Variants in NCS1 observed in about 807,000 individuals in gnomAD.
NCS1 encodes frequenin homolog.
A neutral mutation model predicts 28.4 loss-of-function variants in NCS1; 6 were observed. That is an observed-to-expected ratio of 0.21 (90% CI 0.12 to 0.42). The LOEUF is 0.42. NCS1 is among the 10% of genes least tolerant of loss of function. NCS1 has a pLI of 1.00. For synonymous variants in NCS1, 86 were observed against 99.3 expected, an observed-to-expected ratio of 0.87 and a Z score of 0.79; for missense variants, 131 against 241.4, an observed-to-expected ratio of 0.54 and a Z score of 3.03.
intron 1 of NCS1, among the ~76,000 whole-genome samples, chr9:130,179,371 T>C (rs190434407): frequency 2.2e-4 from 34 of 152,368 alleles, no homozygotes; most frequent in Admixed American, 2.0e-3. Context: ...GTGCATCATA[T>C]GGACAGAACA....
chr9:130,225,259 G>A (rs1233527808), intron 6 of NCS1, among the ~76,000 whole-genome samples: 1 of 152,252 alleles, frequency 6.6e-6, no homozygotes, highest in Non-Finnish European at 1.5e-5. Flanking sequence ...GATTCTGGCT[G>A]GAGACAGCTG....
At chr9:130,183,451 A>G (rs1554905336) in intron 1 of NCS1, among the ~76,000 whole-genome samples, 4 of 152,192 alleles carry the variant, frequency 2.6e-5, no homozygotes, top group Non-Finnish European at 1.5e-5. Flanking sequence ...GGGGGAGGGC[A>G]GGAGGAATGT....
intron 7 of NCS1, among the ~76,000 whole-genome samples, chr9:130,228,058 C>T (rs1833442444): frequency 6.6e-6 from 1 of 152,208 alleles, no homozygotes; most frequent in Admixed American, 6.5e-5. Context: ...CACAGGGCTG[C>T]CTCACAATAT....
intron 1 of NCS1, among the ~76,000 whole-genome samples, chr9:130,178,769 G>A (rs1189086787): frequency 2.0e-5 from 3 of 146,736 alleles, no homozygotes; most frequent in Non-Finnish European, 3.0e-5. Context: ...CTGGAGTATC[G>A]GTGGGGATGA....
At chr9:130,224,199 A>C (rs1833377407) in intron 6 of NCS1, among the ~76,000 whole-genome samples, 1 of 149,058 alleles carries the variant, frequency 6.7e-6, no homozygotes, top group Non-Finnish European at 1.5e-5. Flanking sequence ...TCACACCTGT[A>C]ATCCCAGCAT....
intron 1 of NCS1, among the ~76,000 whole-genome samples, chr9:130,183,724 C>T (rs1554905382): frequency 7.3e-6 from 1 of 137,602 alleles, no homozygotes; most frequent in Middle Eastern, 3.7e-3. Flanking sequence ...TTCCTTCCTT[C>T]TTTCTCTCTC....
At chr9:130,203,824 A>C (rs567824441) in intron 2 of NCS1, among the ~76,000 whole-genome samples, 20 of 152,078 alleles carry the variant, frequency 1.3e-4, no homozygotes, top group African/African-American at 4.8e-4. Flanking sequence ...CCATCATGGC[A>C]CCTCAGCATA....
Position 130,226,362 on chromosome 9 carries a change from C to T in NCS1, c.475-27C>T. 1 of 1,598,192 alleles carries T rather than the reference C, an allele frequency of 6.3e-7. No homozygotes were observed. The highest frequency in any genetic ancestry group is 8.6e-7 in the Non-Finnish European group (1 of 1,166,166). On this transcript the variant is annotated intron_variant, in intron 6 of 7. Transcript: ENST00000372398. This position sits in a 1 kb window ranked among gnomAD's most constrained non-coding sequence, Gnocchi z 4.8. Reference sequence around the variant, plus strand: ...GAGCCCTCTCCTGGGAGGCCCTGCACCCTCAGCCGCCTCTCTCTGCTCACA... The same window carrying T: ...GAGCCCTCTCCTGGGAGGCCCTGCATCCTCAGCCGCCTCTCTCTGCTCACA...
chr9:130,229,091 TA>T (rs1185086810), intron 7 of NCS1, among the ~76,000 whole-genome samples: 9 of 151,810 alleles, frequency 5.9e-5, no homozygotes, highest in East Asian at 3.8e-4. Flanking sequence ...AAGTTTATTT[TA>T]AAAAAAACCC....
chr9:130,206,995 T>G (rs1833032370), intron 2 of NCS1, among the ~76,000 whole-genome samples: 1 of 152,160 alleles, frequency 6.6e-6, no homozygotes. Flanking sequence ...TCATCACATG[T>G]GTGGGGCTCC....
Position 130,192,160 on chromosome 9 carries a change from G to C in NCS1, c.65-8798G>C, listed in dbSNP as rs781853850. On this transcript the variant is annotated intron_variant, in intron 1 of 7. Transcript: ENST00000372398. The surrounding 1 kb of genome is among the most constrained non-coding windows in gnomAD (Gnocchi z 4.8). ...ACAGGTATGGGATTGGGAGTGGGGG[G>C]TGGTCTCTCTTCTCACCCTGGCAGG... 2.0e-5 allele frequency among the ~76,000 whole-genome samples: 3 copies of C among 152,136 alleles called. No homozygotes were observed. The highest frequency in any genetic ancestry group is 4.4e-5 in the Non-Finnish European group (3 of 68,012).
At position 130,209,823 on chromosome 9, in the gene NCS1, G is replaced by T. The variant is rs183767389; in HGVS notation, c.90-8009G>T. Among the ~76,000 whole-genome samples the T allele has an allele frequency of 5.6e-4, 85 of 152,244 alleles. No homozygotes were observed. Among genetic ancestry groups the T allele is most frequent in the African/African-American group, 2.0e-3 (82 of 41,536 alleles). On this transcript the variant is annotated intron_variant, in intron 2 of 7. Coordinates refer to ENST00000372398, the MANE Select transcript of NCS1 (RefSeq NM_014286.4). The surrounding 1 kb of genome is among the most constrained non-coding windows in gnomAD (Gnocchi z 4.4). ...ATCTCTACCCTGTCTCGTGGAGCTG[G>T]TTCCCAAACACAGTCAACCATATCA...
In NCS1 at chr9:130,223,138, G is replaced by A. The variant is rs1554910849; in HGVS notation, c.453G>A (p.Arg151=). 6.6e-7 allele frequency: 1 copy of A among 1,517,250 alleles called. No individual in the cohort carries two copies. Among genetic ancestry groups the A allele is most frequent in the South Asian group, 1.1e-5 (1 of 89,440 alleles). The allele number at this position is 1,517,250 out of a possible 1,614,324, so 94.0% of individuals were successfully genotyped here. A position where few individuals can be genotyped will look rare whatever the true frequency, so the allele number is the denominator to read the frequency against. Residue 151 remains arginine, a synonymous_variant, in exon 6 of 8, where the codon CGG becomes CGA. Coordinates refer to ENST00000372398, the MANE Select transcript of NCS1 (RefSeq NM_014286.4). ...EENTPEKRVD[R]IFAMMDKNAD... Reference sequence around the variant, plus strand: ...ACACTCCTGAGAAGAGGGTGGACCGGATCTTTGCCATGATGGATAAGGTGA... The same window carrying A: ...ACACTCCTGAGAAGAGGGTGGACCGAATCTTTGCCATGATGGATAAGGTGA...
In NCS1 at chr9:130,182,879, C is replaced by G. The variant is rs539444094; in HGVS notation, c.64+10152C>G. Among the ~76,000 whole-genome samples the G allele has an allele frequency of 5.3e-5, 8 of 152,308 alleles. No individual in the cohort carries two copies. The South Asian group carries it at 1.2e-3, about 24-fold the overall frequency. On this transcript the variant is annotated intron_variant, in intron 1 of 7. Transcript: ENST00000372398. ...CCAGGTGCCTTCGGAGGTATCTGTC[C>G]GACAGAGAAAGAGACCAAGTCCTCA...
At chr9:130,223,484 CA>C (rs2131157309) in intron 6 of NCS1, among the ~76,000 whole-genome samples, 1 of 151,804 alleles carries the variant, frequency 6.6e-6, no homozygotes, top group South Asian at 2.1e-4. Context: ...TCCATAAGAT[CA>C]AAAAGGAAGC....
At position 130,233,507 on chromosome 9, in the gene NCS1, T is replaced by C. The variant is rs1833526782; in HGVS notation, c.*535T>C. ...TCTGCCTGGTCAACGTTATTTGTCG[T>C]CCCATCTTTTGGCAGCAAAACCACC... On this transcript the variant is annotated 3_prime_UTR_variant, in exon 8 of 8. Transcript: ENST00000372398. This position sits in a 1 kb window ranked among gnomAD's most constrained non-coding sequence, Gnocchi z 4.8. 1 of 152,572 alleles carries C rather than the reference T, an allele frequency of 6.6e-6. No homozygotes were observed. Among genetic ancestry groups the C allele is most frequent in the Admixed American group, 6.5e-5 (1 of 15,268 alleles). 9.5% of individuals were successfully genotyped at this position (152,572 alleles called of 1,614,324 possible).
chr9:130,214,418 C>T (rs1045286061), intron 2 of NCS1, among the ~76,000 whole-genome samples: 25 of 152,280 alleles, frequency 1.6e-4, no homozygotes, highest in Non-Finnish European at 2.6e-4. Context: ...GAATCAACTC[C>T]GAATGCAAGG....
At position 130,219,634 on chromosome 9, in the gene NCS1, C is replaced by G. The variant is rs567214298; in HGVS notation, c.229-91C>G. On this transcript the variant is annotated intron_variant, in intron 3 of 7. Transcript: ENST00000372398. This position sits in a 1 kb window ranked among gnomAD's most constrained non-coding sequence, Gnocchi z 5.7. Reference sequence around the variant, plus strand: ...TGTCCATTGGCCACAGTGTCTGGAGCCTGCGACTGCCCCTCGCCCGTCCCG... The same window carrying G: ...TGTCCATTGGCCACAGTGTCTGGAGGCTGCGACTGCCCCTCGCCCGTCCCG... 21 of 1,183,706 alleles carry G rather than the reference C, an allele frequency of 1.8e-5. No homozygotes were observed. In the East Asian group the frequency reaches 4.8e-4, roughly 27 times the overall value. 73.3% of individuals were successfully genotyped at this position (1,183,706 alleles called of 1,614,324 possible).
chr9:130,227,022 C>CAAAAAAAAAAAAAAAAAAAA (rs782338218), intron 7 of NCS1, among the ~76,000 whole-genome samples: 1 of 42,682 alleles, frequency 2.3e-5, no homozygotes, highest in African/African-American at 9.0e-5. Context: ...GACTCCATCT[C>CAAAAAAAAAAAAAAAAAAAA]AAAAAAAAAA....
Sources: allele counts gnomAD v4.1 joint callset (sites outside exome capture counted in the v4.1 genomes callset), GRCh38; gene constraint gnomAD v4.1.1; non-coding constraint Gnocchi (gnomAD v3.1); transcripts MANE v1.5; gene names NCBI Gene and HGNC (gene_info 2026-07-23, HGNC 2026-07-21).